The following TRNAU1AP variants were observed in gnomAD, a reference collection of about 807,000 sequenced individuals.
The protein encoded by TRNAU1AP is tRNA selenocysteine 1-associated protein 1.
Under a neutral mutation model 43.3 loss-of-function variants are expected in TRNAU1AP, and 33 were observed. The ratio of observed to expected loss-of-function variants is 0.76; its 90% CI spans 0.58 to 1.02. TRNAU1AP has a LOEUF of 1.02. TRNAU1AP is among the 50% of genes least tolerant of loss of function. The pLI, the probability that TRNAU1AP is intolerant of heterozygous loss-of-function variation, is 0.00. For synonymous variants in TRNAU1AP, 143 were observed against 129.1 expected (o/e 1.11, Z -0.73); for missense variants, 290 against 362.7 (o/e 0.80, Z 1.63).
intron 5 of TRNAU1AP, among the ~76,000 whole-genome samples, chr1:28,566,629 G>A (rs1665545755): frequency 6.6e-6 from 1 of 151,610 alleles, no homozygotes; most frequent in South Asian, 2.1e-4. Context: ...CATGGTGGTG[G>A]GTGCCTGTAG....
intron 2 of TRNAU1AP, among the ~76,000 whole-genome samples, chr1:28,555,167 T>C (rs892437287): frequency 2.0e-5 from 3 of 151,052 alleles, no homozygotes; most frequent in African/African-American, 7.3e-5. Flanking sequence ...GAGGCAGAGG[T>C]TGTAGTGAGC....
intron 3 of TRNAU1AP, 28 bp from the exon 4 acceptor site, chr1:28,561,314 CTGTT>C: frequency 6.2e-7 from 1 of 1,613,716 alleles, no homozygotes; most frequent in Non-Finnish European, 8.5e-7. Context: ...ACACCTTTCT[CTGTT>C]TTAGTTTGTT....
chr1:28,559,004 T>C (rs1423223995), intron 2 of TRNAU1AP, among the ~76,000 whole-genome samples: 2 of 152,206 alleles, frequency 1.3e-5, no homozygotes, highest in African/African-American at 2.4e-5. Flanking sequence ...TTTTCATTTA[T>C]TAGTGAATTA....
At chr1:28,561,109 A>G in intron 3 of TRNAU1AP, 6 of 1,395,036 alleles carry the variant, frequency 4.3e-6, no homozygotes, top group Non-Finnish European at 5.6e-6. Flanking sequence ...TGCTCTTCCC[A>G]CAGTTACTTA....
intron 4 of TRNAU1AP, among the ~76,000 whole-genome samples, chr1:28,562,590 T>C (rs910979415): frequency 2.0e-5 from 3 of 151,930 alleles, no homozygotes; most frequent in Non-Finnish European, 4.4e-5. Context: ...TTGTGTTTTT[T>C]TTTTTTTGGA....
At chr1:28,561,868 C>G (rs553841484) in intron 4 of TRNAU1AP, among the ~76,000 whole-genome samples, 51 of 152,192 alleles carry the variant, frequency 3.4e-4, no homozygotes, top group African/African-American at 1.0e-3. Context: ...GTCAGGAGAT[C>G]GAGACCATCC....
rs924577707 is a variant in TRNAU1AP at position 28,558,625 on chromosome 1, C to T, written c.126-2008C>T. Reference sequence around the variant, plus strand: ...TGTCGCCCAGGCTGGAGTGCAGTGGCGTGATGTCTGCTCACTGCAAGCTCT... The same window carrying T: ...TGTCGCCCAGGCTGGAGTGCAGTGGTGTGATGTCTGCTCACTGCAAGCTCT... On this transcript the variant is annotated intron_variant, in intron 2 of 8. Transcript: ENST00000373830. Among the ~76,000 whole-genome samples the T allele has an allele frequency of 4.2e-5, 6 of 141,506 alleles. No individual in the cohort carries two copies. The South Asian group carries it at 6.6e-4, about 16-fold the overall frequency. The allele number at this position is 141,506 out of a possible 152,430, so 92.8% of individuals were successfully genotyped here. A position where few individuals can be genotyped will look rare whatever the true frequency, so the allele number is the denominator to read the frequency against.
intron 2 of TRNAU1AP, among the ~76,000 whole-genome samples, chr1:28,560,334 C>T (rs1004884712): frequency 1.3e-5 from 2 of 148,580 alleles, no homozygotes; most frequent in Admixed American, 6.8e-5. Context: ...CAGGCTGGAG[C>T]AGTGTGGCAT....
chr1:28,561,874 C>T (rs545423944), intron 4 of TRNAU1AP, among the ~76,000 whole-genome samples: 45 of 152,270 alleles, frequency 3.0e-4, no homozygotes, highest in African/African-American at 8.2e-4. Context: ...AGATCGAGAC[C>T]ATCCTGGCTA....
chr1:28,572,881 G>T (rs530377258), intron 8 of TRNAU1AP, among the ~76,000 whole-genome samples: 15 of 151,850 alleles, frequency 9.9e-5, no homozygotes, highest in African/African-American at 3.6e-4. Context: ...CTTGCAGTGA[G>T]CCGAGATCGC....
At chr1:28,568,501 C>T (rs978364800) in intron 6 of TRNAU1AP, among the ~76,000 whole-genome samples, 10 of 152,194 alleles carry the variant, frequency 6.6e-5, no homozygotes, top group African/African-American at 2.4e-4. Context: ...TTTCGAATTC[C>T]TGGGCTCAAG....
chr1:28,564,919 A>G (rs1353115783), intron 5 of TRNAU1AP, 85 bp downstream of exon 5: 1 of 1,551,736 alleles, frequency 6.4e-7, no homozygotes, highest in Non-Finnish European at 8.8e-7. Flanking sequence ...AAGGCCCTGC[A>G]GCATGGCGAT....
intron 2 of TRNAU1AP, among the ~76,000 whole-genome samples, chr1:28,560,172 G>C (rs1665373964): frequency 6.6e-6 from 1 of 152,088 alleles, no homozygotes; most frequent in Non-Finnish European, 1.5e-5. Context: ...TTATATTCAG[G>C]CTTGTAAATT....
At position 28,561,932 on chromosome 1, in the gene TRNAU1AP, C is replaced by T. The variant is rs977469820; in HGVS notation, c.278+534C>T. 2.6e-5 allele frequency among the ~76,000 whole-genome samples: 4 copies of T among 152,144 alleles called. No individual in the cohort carries two copies. The South Asian group carries it at 6.2e-4, about 24-fold the overall frequency. On this transcript the variant is annotated intron_variant, in intron 4 of 8. Coordinates refer to ENST00000373830, the MANE Select transcript of TRNAU1AP (RefSeq NM_017846.5). ...CTAAAAATACAACAAATTAGCCGGGCGTGGTGGCAGGCGCCTGTAGTCCCA... is the reference window on the plus strand; with the variant it reads ...CTAAAAATACAACAAATTAGCCGGGTGTGGTGGCAGGCGCCTGTAGTCCCA...
intron 2 of TRNAU1AP, among the ~76,000 whole-genome samples, chr1:28,557,263 C>CA (rs1474343215): frequency 6.6e-6 from 1 of 151,052 alleles, no homozygotes; most frequent in Non-Finnish European, 1.5e-5. Context: ...ACTAAAAATA[C>CA]AAGAAAATTA....
At chr1:28,554,198 C>CAAAAAAAA (rs537146796) in intron 2 of TRNAU1AP, 2 of 85,692 alleles carry the variant, frequency 2.3e-5, no homozygotes, top group Non-Finnish European at 4.4e-5. Context: ...AACAATGTCT[C>CAAAAAAAA]AAAAAAAAAA....
At chr1:28,577,434 G>A (rs566757906) in intron 8 of TRNAU1AP, 66 bp from the exon 9 acceptor site, 24 of 1,568,786 alleles carry the variant, frequency 1.5e-5, no homozygotes, top group Non-Finnish European at 2.1e-5. Context: ...TGGGAGAAGG[G>A]AACTGAACCA....
intron 4 of TRNAU1AP, among the ~76,000 whole-genome samples, chr1:28,563,671 G>A (rs1665467099): frequency 6.6e-6 from 1 of 151,172 alleles, no homozygotes; most frequent in African/African-American, 2.4e-5. Context: ...GGGACAGAGC[G>A]AGACTCCGTC....
chr1:28,572,883 C>T (rs1325368736), intron 8 of TRNAU1AP, among the ~76,000 whole-genome samples: 6 of 151,148 alleles, frequency 4.0e-5, no homozygotes, highest in African/African-American at 1.5e-4. Context: ...TGCAGTGAGC[C>T]GAGATCGCAC....
Sources: gnomAD v4.1 joint callset for allele counts (sites outside exome capture counted in the v4.1 genomes callset) on GRCh38, gnomAD v4.1.1 for gene constraint, MANE v1.5 for transcripts, NCBI Gene and HGNC (gene_info 2026-07-23, HGNC 2026-07-21) for gene names.